RPH3A: variants seen among roughly 807,000 people sequenced by gnomAD.
The protein encoded by RPH3A is rabphilin-3A.
In RPH3A, 48 loss-of-function variants were observed where a neutral mutation model predicts 102.2. The observed-to-expected ratio is 0.47, with a 90% CI of 0.37 to 0.60. The LOEUF (loss-of-function observed/expected upper bound fraction) is 0.60. RPH3A is among the 20% of genes least tolerant of loss of function. The pLI, the probability that RPH3A is intolerant of heterozygous loss-of-function variation, is 0.00. For missense variants in RPH3A, 781 were observed against 910.1 expected (o/e 0.86, Z 1.83); for synonymous variants, 310 against 324.3 (o/e 0.96, Z 0.47).
At chr12:112,875,834 C>A (rs1283393111) in intron 12 of RPH3A, 93 bp downstream of exon 12, 3 of 1,103,930 alleles carry the variant, frequency 2.7e-6, no homozygotes, top group East Asian at 2.4e-5. Flanking sequence ...CGTGACTCAG[C>A]CTGCACCCTG....
chr12:112,884,811 A>C (rs1476078145), intron 16 of RPH3A, among the ~76,000 whole-genome samples: 1 of 152,214 alleles, frequency 6.6e-6, no homozygotes, highest in African/African-American at 2.4e-5. Flanking sequence ...ACAATAGTGA[A>C]CATACTGGGC....
In RPH3A at chr12:112,890,095, G is replaced by T. The variant is rs992030875; in HGVS notation, c.1620+15G>T. 2 of 1,612,378 alleles carry T rather than the reference G, an allele frequency of 1.2e-6. No individual in the cohort carries two copies. The highest frequency in any genetic ancestry group is 8.5e-7 in the Non-Finnish European group (1 of 1,179,288). On this transcript the variant is annotated intron_variant, in intron 18 of 21. Coordinates refer to ENST00000389385, the MANE Select transcript of RPH3A (RefSeq NM_001143854.2). The stretch of plus-strand genomic sequence containing the variant: ...ATGAGGAAGAGGTGAGCACTGAGCA[G>T]GAATTGAAGCCACAGTCAGGGTCTG...
intron 2 of RPH3A, among the ~76,000 whole-genome samples, chr12:112,805,197 G>A (rs1357465063): frequency 6.6e-6 from 1 of 152,104 alleles, no homozygotes; most frequent in Non-Finnish European, 1.5e-5. Flanking sequence ...CAATGCAAGT[G>A]GACAGCCCTA....
chr12:112,601,292 G>A (rs760824075), intron 1 of RPH3A, among the ~76,000 whole-genome samples: 13 of 152,078 alleles, frequency 8.5e-5, no homozygotes, highest in Middle Eastern at 6.8e-3. Flanking sequence ...AGTCCTTTGG[G>A]GTAAATAGGA....
intron 2 of RPH3A, among the ~76,000 whole-genome samples, chr12:112,826,226 C>T (rs2041870379): frequency 6.6e-6 from 1 of 152,066 alleles, no homozygotes; most frequent in Non-Finnish European, 1.5e-5. Context: ...GGCTTCCGGG[C>T]TGAGGGAAGA....
chr12:112,765,209 T>C (rs1020650098), intron 1 of RPH3A, among the ~76,000 whole-genome samples: 8 of 149,726 alleles, frequency 5.3e-5, no homozygotes, highest in Non-Finnish European at 7.4e-5. Context: ...ATCATGGGAG[T>C]GGTGGGGAGG....
At chr12:112,786,294 G>A (rs1469694708) in intron 1 of RPH3A, among the ~76,000 whole-genome samples, 3 of 152,218 alleles carry the variant, frequency 2.0e-5, no homozygotes, top group South Asian at 2.1e-4. Context: ...GCTTCCCCAC[G>A]ACTGCCCTTT....
chr12:112,799,283 G>T (rs1410719745), intron 2 of RPH3A, among the ~76,000 whole-genome samples: 4 of 152,160 alleles, frequency 2.6e-5, no homozygotes, highest in African/African-American at 4.8e-5. Context: ...AGCTACTTGG[G>T]AGGCTGAGGC....
chr12:112,649,586 T>G (rs1167736219), intron 1 of RPH3A: 1 of 152,238 alleles, frequency 6.6e-6, no homozygotes, highest in East Asian at 1.9e-4. Context: ...CATTCACAGA[T>G]GTAAGTTCTT....
chr12:112,592,575 T>C (rs1256747882), intron 1 of RPH3A, among the ~76,000 whole-genome samples: 1 of 152,240 alleles, frequency 6.6e-6, no homozygotes, highest in Non-Finnish European at 1.5e-5. Context: ...CGCCTTGGCC[T>C]TCCAAAGTGC....
Position 112,883,375 on chromosome 12 carries a change from A to G in RPH3A, c.1409A>G (p.Asp470Gly). 1 of 1,614,078 alleles carries G rather than the reference A, an allele frequency of 6.2e-7. No homozygotes were observed. The change falls in exon 16 of 22, where the codon GAT (aspartate) becomes GGT (glycine). Residue 470 changes from aspartate (D) to glycine (G), a missense_variant. By Grantham distance (94) the Asp-to-Gly change is moderately conservative. Transcript: ENST00000389385. Reference sequence around the variant, plus strand: ...ACCCTCGTGTATCACGGCATCACCGATGAGGACATGCAAAGGAAGACCCTC... The same window carrying G: ...ACCCTCGTGTATCACGGCATCACCGGTGAGGACATGCAAAGGAAGACCCTC... ...NETLVYHGIT[D>G]EDMQRKTLRI...
At chr12:112,783,166 A>G (rs2041020491) in intron 1 of RPH3A, among the ~76,000 whole-genome samples, 1 of 152,094 alleles carries the variant, frequency 6.6e-6, no homozygotes, top group Non-Finnish European at 1.5e-5. Flanking sequence ...AGCCTGCTGG[A>G]TATCTGTCGT....
chr12:112,661,269 A>T (rs1036198288), intron 1 of RPH3A, among the ~76,000 whole-genome samples: 14 of 152,108 alleles, frequency 9.2e-5, no homozygotes, highest in African/African-American at 1.2e-4. Context: ...CAAGTGCAAA[A>T]TAGAAGTGTG....
At chr12:112,797,161 C>T (rs1424389071) in intron 2 of RPH3A, among the ~76,000 whole-genome samples, 1 of 152,170 alleles carries the variant, frequency 6.6e-6, no homozygotes, top group Non-Finnish European at 1.5e-5. Flanking sequence ...CAAAGATATT[C>T]AGTTCACTGA....
intron 1 of RPH3A, among the ~76,000 whole-genome samples, chr12:112,715,307 A>G (rs189934711): frequency 2.8e-4 from 43 of 152,188 alleles, no homozygotes; most frequent in Non-Finnish European, 5.4e-4. Context: ...ACCACTCCAT[A>G]TAACCCCCAG....
chr12:112,830,467 A>G (rs2041950766), intron 3 of RPH3A, among the ~76,000 whole-genome samples: 1 of 152,222 alleles, frequency 6.6e-6, no homozygotes, highest in Non-Finnish European at 1.5e-5. Flanking sequence ...GATATGCTCA[A>G]TGAGTACATA....
At chr12:112,831,747 T>G in intron 3 of RPH3A, 1 of 455,812 alleles carries the variant, frequency 2.2e-6, no homozygotes, top group South Asian at 1.5e-5. Flanking sequence ...TCTTGAAGGT[T>G]GCAGCATTCT....
chr12:112,646,833 A>G (rs891185169), intron 1 of RPH3A, among the ~76,000 whole-genome samples: 9 of 152,176 alleles, frequency 5.9e-5, no homozygotes, highest in Non-Finnish European at 1.2e-4. Context: ...CATATTGCTG[A>G]TGCCTGGTGA....
At chr12:112,631,131 T>G (rs2135985930) in intron 1 of RPH3A, among the ~76,000 whole-genome samples, 1 of 152,312 alleles carries the variant, frequency 6.6e-6, no homozygotes, top group East Asian at 1.9e-4. Flanking sequence ...ACCCTTGTCC[T>G]GTGGCTTCTG....
Sources: gnomAD v4.1 joint callset for allele counts (sites outside exome capture counted in the v4.1 genomes callset) on GRCh38, gnomAD v4.1.1 for gene constraint, MANE v1.5 for transcripts, NCBI Gene and HGNC (gene_info 2026-07-23, HGNC 2026-07-21) for gene names.